DLG2: variants seen among roughly 807,000 people sequenced by gnomAD.
DLG2 encodes the protein disks large homolog 2.
DLG2 carries 45 observed loss-of-function variants against 132.5 expected under a neutral mutation model. The observed-to-expected ratio is 0.34, with a 90% CI of 0.27 to 0.44. DLG2 has a LOEUF of 0.44. DLG2 is among the 20% of genes least tolerant of loss of function. The pLI is 1.00. For missense variants in DLG2, 1,045 were observed against 1,196.9 expected (o/e 0.87, Z 1.87); for synonymous variants, 424 against 419.6 (o/e 1.01, Z -0.13).
intron 8 of DLG2, among the ~76,000 whole-genome samples, chr11:84,223,783 C>T (rs1206507208): frequency 6.6e-6 from 1 of 152,164 alleles, no homozygotes; most frequent in African/African-American, 2.4e-5. Flanking sequence ...CCTCAAACTC[C>T]TGACCTCAGG....
intron 3 of DLG2, chr11:85,453,406 G>T: frequency 5.6e-6 from 1 of 178,598 alleles, no homozygotes; most frequent in East Asian, 1.4e-4. Flanking sequence ...AATCATTCCA[G>T]GATTGGAATA....
At chr11:84,947,584 A>T (rs138764006) in intron 6 of DLG2, among the ~76,000 whole-genome samples, 20 of 152,230 alleles carry the variant, frequency 1.3e-4, no homozygotes, top group African/African-American at 4.8e-4. Context: ...ATGCTTTCCT[A>T]CACCCTTACC....
intron 17 of DLG2, among the ~76,000 whole-genome samples, chr11:83,800,132 G>T (rs952473860): frequency 1.3e-5 from 2 of 152,102 alleles, no homozygotes; most frequent in East Asian, 1.9e-4. Flanking sequence ...ATTTGACCAG[G>T]GAAAAGTGCT....
At chr11:84,983,505 C>T (rs546785495) in intron 6 of DLG2, among the ~76,000 whole-genome samples, 3 of 151,530 alleles carry the variant, frequency 2.0e-5, no homozygotes, top group African/African-American at 7.3e-5. Flanking sequence ...CAGCCTTGAG[C>T]CCTACACTGT....
At chr11:84,157,583 G>A (rs1240371552) in intron 9 of DLG2, among the ~76,000 whole-genome samples, 2 of 151,954 alleles carry the variant, frequency 1.3e-5, no homozygotes, top group East Asian at 1.9e-4. Context: ...AGCATGAGCT[G>A]CTATGTCTGG....
intron 6 of DLG2, among the ~76,000 whole-genome samples, chr11:84,970,238 T>C (rs1378513118): frequency 2.6e-5 from 4 of 152,118 alleles, no homozygotes; most frequent in African/African-American, 7.2e-5. Context: ...AATTTTAAAG[T>C]AGTTGAAGAC....
chr11:85,029,815 C>T (rs2060858555), intron 6 of DLG2, among the ~76,000 whole-genome samples: 1 of 152,200 alleles, frequency 6.6e-6, no homozygotes, highest in South Asian at 2.1e-4. Context: ...AAGTGATTCT[C>T]CTGCCTCAGC....
chr11:83,786,176 C>CA (rs1477266784), intron 18 of DLG2, among the ~76,000 whole-genome samples: 2 of 152,144 alleles, frequency 1.3e-5, no homozygotes, highest in Non-Finnish European at 2.9e-5. Flanking sequence ...TACATGATCT[C>CA]ACTGAGTCTC....
chr11:85,045,848 A>C (rs1249936447), intron 6 of DLG2, among the ~76,000 whole-genome samples: 1 of 152,056 alleles, frequency 6.6e-6, no homozygotes, highest in African/African-American at 2.4e-5. Context: ...GAGAAGAATA[A>C]CTTCTCTAGC....
At chr11:84,095,302 C>T (rs549577476) in intron 10 of DLG2, among the ~76,000 whole-genome samples, 2 of 152,178 alleles carry the variant, frequency 1.3e-5, no homozygotes, top group South Asian at 2.1e-4. Flanking sequence ...CTAAGGAGTT[C>T]GGTTATCTCA....
intron 6 of DLG2, among the ~76,000 whole-genome samples, chr11:84,879,691 T>C (rs900174723): frequency 5.9e-5 from 9 of 152,166 alleles, no homozygotes; most frequent in African/African-American, 1.9e-4. Flanking sequence ...ATAATCATTA[T>C]CTGTTGGTGA....
intron 4 of DLG2, among the ~76,000 whole-genome samples, chr11:85,284,528 C>T (rs1465786084): frequency 6.6e-6 from 1 of 151,816 alleles, no homozygotes; most frequent in East Asian, 1.9e-4. Flanking sequence ...TATTGACTGC[C>T]ACTTAAAAGT....
At chr11:84,983,456 C>CA (rs1363102964) in intron 6 of DLG2, among the ~76,000 whole-genome samples, 8 of 152,052 alleles carry the variant, frequency 5.3e-5, no homozygotes. Flanking sequence ...ACTAATACAT[C>CA]AAGGAAACAC....
chr11:85,331,267 C>G (rs1294937198), intron 3 of DLG2, among the ~76,000 whole-genome samples: 1 of 152,020 alleles, frequency 6.6e-6, no homozygotes, highest in Non-Finnish European at 1.5e-5. Flanking sequence ...TGTAAATAGA[C>G]GCCCTATAAA....
intron 21 of DLG2, among the ~76,000 whole-genome samples, chr11:83,495,100 A>T (rs1271037595): frequency 6.6e-6 from 1 of 152,156 alleles, no homozygotes; most frequent in Non-Finnish European, 1.5e-5. Context: ...CAAGCTAAAA[A>T]ATCTCAGGGA....
intron 3 of DLG2, among the ~76,000 whole-genome samples, chr11:85,383,335 T>C (rs537635040): frequency 5.3e-5 from 8 of 152,228 alleles, no homozygotes; most frequent in African/African-American, 1.7e-4. Context: ...GAGTAACTAC[T>C]AAGGGGTCTG....
chr11:83,756,326 C>A (rs1238858036), intron 18 of DLG2, among the ~76,000 whole-genome samples: 1 of 151,332 alleles, frequency 6.6e-6, no homozygotes, highest in Non-Finnish European at 1.5e-5. Context: ...TAGCTATGAA[C>A]TTAGTGTAAT....
At chr11:85,450,041 C>T (rs1261245994) in intron 3 of DLG2, among the ~76,000 whole-genome samples, 1 of 152,018 alleles carries the variant, frequency 6.6e-6, no homozygotes, top group East Asian at 1.9e-4. Flanking sequence ...AAAGGAGAAT[C>T]GCTTGAACCC....
intron 6 of DLG2, among the ~76,000 whole-genome samples, chr11:84,578,390 G>A (rs2099508418): frequency 6.6e-6 from 1 of 152,140 alleles, no homozygotes; most frequent in South Asian, 2.1e-4. Context: ...CCAGGATGGA[G>A]GTTGTACCCT....
Sources: allele counts gnomAD v4.1 joint callset (sites outside exome capture counted in the v4.1 genomes callset), GRCh38; gene constraint gnomAD v4.1.1; transcripts MANE v1.5; gene names NCBI Gene and HGNC (gene_info 2026-07-23, HGNC 2026-07-21).